Variants in SMARCC1 observed in about 807,000 individuals in gnomAD.
SMARCC1 encodes SWI/SNF related BAF chromatin remodeling complex subunit C1, also known as SWI/SNF complex subunit SMARCC1.
A neutral mutation model predicts 147.4 loss-of-function variants in SMARCC1; 43 were observed. The ratio of observed to expected loss-of-function variants is 0.29; its 90% confidence interval spans 0.23 to 0.38. SMARCC1 has a LOEUF of 0.38. Ranked by LOEUF, SMARCC1 falls within the 10% of genes least tolerant of loss-of-function variation. SMARCC1 has a pLI of 1.00. For synonymous variants in SMARCC1, 495 were observed against 484.4 expected (o/e 1.02, Z -0.29); for missense variants, 1,119 against 1,381.1 (o/e 0.81, Z 3.01).
At chr3:47,756,037 G>A (rs970836533) in intron 2 of SMARCC1, among the ~76,000 whole-genome samples, 1 of 148,594 alleles carries the variant, frequency 6.7e-6, no homozygotes, top group African/African-American at 2.5e-5. Context: ...GCGTGGTGGC[G>A]GGCGCCTATA....
At chr3:47,606,602 T>C (rs1445889944) in intron 26 of SMARCC1, among the ~76,000 whole-genome samples, 1 of 152,238 alleles carries the variant, frequency 6.6e-6, no homozygotes, top group African/African-American at 2.4e-5. Context: ...TTAATGTGAA[T>C]ATGATGCTTT....
At chr3:47,753,644 G>A (rs534731754) in intron 2 of SMARCC1, among the ~76,000 whole-genome samples, 12 of 143,046 alleles carry the variant, frequency 8.4e-5, no homozygotes, top group African/African-American at 2.8e-4. Context: ...TTCGGGAGGC[G>A]GAGGTTGCAG....
At chr3:47,640,661 G>T (rs991006229) in intron 21 of SMARCC1, among the ~76,000 whole-genome samples, 8 of 152,098 alleles carry the variant, frequency 5.3e-5, no homozygotes, top group Non-Finnish European at 8.8e-5. Context: ...TTAGGGAAAA[G>T]ATTATTACAA....
At chr3:47,620,495 T>C (rs998498607) in intron 25 of SMARCC1, among the ~76,000 whole-genome samples, 5 of 152,128 alleles carry the variant, frequency 3.3e-5, no homozygotes, top group African/African-American at 1.2e-4. Context: ...GTTTTTGTTT[T>C]TTTTCCACTA....
At position 47,638,842 on chromosome 3, in the gene SMARCC1, A is replaced by G. The variant is rs559193910; in HGVS notation, c.2321-62T>C. 8.0e-5 allele frequency: 90 copies of G among 1,121,932 alleles called. No individual in the cohort carries two copies. The Middle Eastern group carries it at 9.8e-4, about 12-fold the overall frequency. The allele number at this position is 1,121,932 out of a possible 1,614,324, so 69.5% of individuals were successfully genotyped here. A position where few individuals can be genotyped will look rare whatever the true frequency, so the allele number is the denominator to read the frequency against. Reference sequence around the variant, plus strand: ...GGAAAAAGGTAAAAGCTATTATTATACAGCTGTGAGAGTGTCTGAAATACA... The same window carrying G: ...GGAAAAAGGTAAAAGCTATTATTATGCAGCTGTGAGAGTGTCTGAAATACA... On this transcript the variant is annotated intron_variant, in intron 21 of 27. Transcript: ENST00000254480.
chr3:47,748,114 C>T (rs1365792789), intron 2 of SMARCC1, among the ~76,000 whole-genome samples: 4 of 151,894 alleles, frequency 2.6e-5, no homozygotes. Context: ...CACACCACTG[C>T]ACTCCAGCCT....
At chr3:47,754,209 T>TTA (rs1344782375) in intron 2 of SMARCC1, among the ~76,000 whole-genome samples, 1 of 148,576 alleles carries the variant, frequency 6.7e-6, no homozygotes, top group East Asian at 1.9e-4. Context: ...ACTTTACTCT[T>TTA]TTTTTTTTTT....
chr3:47,758,549 G>A (rs1349737223), intron 2 of SMARCC1, among the ~76,000 whole-genome samples: 2 of 151,946 alleles, frequency 1.3e-5, no homozygotes, highest in African/African-American at 4.8e-5. Context: ...CAAAATTAAA[G>A]TTTTACCAGT....
chr3:47,671,605 G>A (rs2033503562), intron 18 of SMARCC1, among the ~76,000 whole-genome samples: 1 of 152,180 alleles, frequency 6.6e-6, no homozygotes, highest in African/African-American at 2.4e-5. Context: ...GAGTATAACA[G>A]AAGTGAGACT....
At chr3:47,762,222 G>A (rs1643513871) in intron 2 of SMARCC1, among the ~76,000 whole-genome samples, 1 of 152,194 alleles carries the variant, frequency 6.6e-6, no homozygotes, top group African/African-American at 2.4e-5. Flanking sequence ...CCTCTTCTCA[G>A]ATGCTACAGG....
chr3:47,634,961 A>G (rs753040848), intron 24 of SMARCC1, among the ~76,000 whole-genome samples: 6 of 152,216 alleles, frequency 3.9e-5, no homozygotes, highest in Non-Finnish European at 8.8e-5. Flanking sequence ...CAGTCTTTAC[A>G]AGGCTAAATG....
rs1553692339 is a variant in SMARCC1 at position 47,769,210 on chromosome 3, C to CCAAAAAAAAAA, written c.315+3606_315+3607insTTTTTTTTTTG. 6.0e-5 allele frequency among the ~76,000 whole-genome samples: 2 copies of CCAAAAAAAAAA among 33,102 alleles called. 1 individual carries two copies. Among genetic ancestry groups the CCAAAAAAAAAA allele is most frequent in the Non-Finnish European group, 1.1e-4 (2 of 18,986 alleles). The allele number at this position is 33,102 out of a possible 152,430, so 21.7% of individuals were successfully genotyped here. Reference sequence around the variant, plus strand: ...TGGATGACAGAGCGAGACTCCGTCTCAAAAAAAAAAAAAAAAAAAAAAAGG... The same window carrying CCAAAAAAAAAA: ...TGGATGACAGAGCGAGACTCCGTCTCCAAAAAAAAAAAAAAAAAAAAAAAAAAAAAAAAAGG... On this transcript the variant is annotated intron_variant, in intron 2 of 27. Transcript: ENST00000254480.
chr3:47,665,276 T>C (rs2033406843), intron 19 of SMARCC1, among the ~76,000 whole-genome samples: 1 of 152,196 alleles, frequency 6.6e-6, no homozygotes, highest in Non-Finnish European at 1.5e-5. Flanking sequence ...CTGGGTTTCC[T>C]CTGGATATTC....
chr3:47,662,344 T>C lies in SMARCC1; in HGVS notation c.2148A>G (p.Lys716=). 1 of 1,614,030 alleles carries C rather than the reference T, an allele frequency of 6.2e-7. No individual in the cohort carries two copies. The highest frequency in any genetic ancestry group is 8.5e-7 in the Non-Finnish European group (1 of 1,179,980). Reference sequence around the variant, plus strand: ...TAGGGAAGTCCATACCCAAAGCCGCTTTTGCTGCAGCAGATGCCACGCGAG... The same window carrying C: ...TAGGGAAGTCCATACCCAAAGCCGCCTTTGCTGCAGCAGATGCCACGCGAG... ...VDPRVASAAA[K]AALEEFSRVR... The change falls in exon 20 of 28, where the codon AAA becomes AAG. Residue 716 remains lysine (K), a synonymous_variant. Transcript: ENST00000254480.
At chr3:47,681,887 C>T (rs2033648488) in intron 14 of SMARCC1, among the ~76,000 whole-genome samples, 1 of 151,906 alleles carries the variant, frequency 6.6e-6, no homozygotes, top group Admixed American at 6.6e-5. Flanking sequence ...GAAAGGCCCA[C>T]TTTTAAAAAA....
rs1258907230 is a variant in SMARCC1, at chr3:47,738,243, TTC to T, written c.402-135_402-134del. 7 of 585,796 alleles carry T rather than the reference TTC, an allele frequency of 1.2e-5. No individual in the cohort carries two copies. The East Asian group carries it at 2.1e-4, about 17-fold the overall frequency. 36.3% of individuals were successfully genotyped at this position (585,796 alleles called of 1,614,324 possible). A position where few individuals can be genotyped will look rare whatever the true frequency, so the allele number is the denominator to read the frequency against. The stretch of plus-strand genomic sequence containing the variant: ...ATAACTCTACAAAATGTGTGAGACA[TTC>T]TCTCAGTAACATAAGAATACATAGT... On this transcript the variant is annotated intron_variant, in intron 3 of 27. Coordinates refer to ENST00000254480, the MANE Select transcript of SMARCC1 (RefSeq NM_003074.4).
chr3:47,740,924 TAATGA>T (rs2034502913), intron 3 of SMARCC1, among the ~76,000 whole-genome samples: 1 of 151,568 alleles, frequency 6.6e-6, no homozygotes, highest in South Asian at 2.1e-4. Context: ...TGTAAAGTTG[TAATGA>T]AATGACTCTA....
chr3:47,776,766 A>AAT (rs1403612938), intron 1 of SMARCC1, among the ~76,000 whole-genome samples: 1 of 151,534 alleles, frequency 6.6e-6, no homozygotes, highest in East Asian at 1.9e-4. Context: ...TATAGATGTA[A>AAT]ATATATATAT....
At position 47,590,726 on chromosome 3, in the gene SMARCC1, C is replaced by T. The variant is rs1030028940; in HGVS notation, c.3155G>A (p.Gly1052Asp). 6.9e-6 allele frequency: 11 copies of T among 1,587,842 alleles called. No individual in the cohort carries two copies. Among genetic ancestry groups the T allele is most frequent in the East Asian group, 2.3e-5 (1 of 43,196 alleles). The change falls in exon 27 of 28, where the codon GGC becomes GAC. Residue 1052 changes from glycine to aspartate, a missense_variant. Around this residue, in one of 6 missense-constraint regions of SMARCC1, gnomAD observed 186 missense variants for 216.5 expected, o/e 0.86. Coordinates refer to ENST00000254480, the MANE Select transcript of SMARCC1 (RefSeq NM_003074.4). ...HPSGSGPTPP[G>D]MPPMPGNILG... ...GATGTTTCCTGGCATTGGTGGCATG[C>T]CAGGAGGGGTAGGGCCACTCCCAGA... is the stretch of plus-strand genomic sequence containing the variant.
Sources: allele counts gnomAD v4.1 joint callset (sites outside exome capture counted in the v4.1 genomes callset), GRCh38; gene constraint gnomAD v4.1.1; regional missense constraint gnomAD v4.1.1; transcripts MANE v1.5; gene names NCBI Gene and HGNC (gene_info 2026-07-23, HGNC 2026-07-21).